The following THSD7B variants were observed in gnomAD, a reference collection of about 807,000 sequenced individuals.
THSD7B encodes thrombospondin type 1 domain containing 7B.
THSD7B carries 138 observed loss-of-function variants against 213.6 expected under a neutral mutation model. The ratio of observed to expected loss-of-function variants is 0.65; its 90% CI spans 0.56 to 0.74. THSD7B has a LOEUF of 0.74. Among genes scored for constraint, THSD7B ranks in the 30% least tolerant of loss-of-function variants. THSD7B has a pLI of 0.00. For missense variants in THSD7B, 1,931 were observed against 1,991.5 expected (o/e 0.97, Z 0.58); for synonymous variants, 742 against 687.0 (o/e 1.08, Z -1.25).
Position 137,180,920 on chromosome 2 carries a change from C to T in THSD7B, c.1723+9982C>T, listed in dbSNP as rs570007377. 4.6e-5 allele frequency among the ~76,000 whole-genome samples: 7 copies of T among 152,240 alleles called. No homozygotes were observed. In the South Asian group the frequency reaches 1.2e-3, roughly 27 times the overall value. On this transcript the variant is annotated intron_variant, in intron 7 of 27. Transcript: ENST00000409968. Reference sequence around the variant, plus strand: ...GAGGCAATTGTGCCAACTCAGTGGGCTAGACTCATGAAACCTATTCCTAAC... The same window carrying T: ...GAGGCAATTGTGCCAACTCAGTGGGTTAGACTCATGAAACCTATTCCTAAC...
At chr2:137,108,500 C>T (rs954373073) in intron 4 of THSD7B, among the ~76,000 whole-genome samples, 13 of 152,080 alleles carry the variant, frequency 8.5e-5, no homozygotes, top group South Asian at 2.1e-4. Context: ...GTGATTCCTT[C>T]GGTGGGACAG....
chr2:136,779,780 A>G (rs1222684843), intron 1 of THSD7B, among the ~76,000 whole-genome samples: 1 of 152,226 alleles, frequency 6.6e-6, no homozygotes, highest in Non-Finnish European at 1.5e-5. Flanking sequence ...ATAGATATGC[A>G]TGTGCACAGA....
chr2:137,550,370 G>C (rs1352629751), intron 15 of THSD7B, among the ~76,000 whole-genome samples: 2 of 152,094 alleles, frequency 1.3e-5, no homozygotes, highest in Admixed American at 6.6e-5. Context: ...CCCTTACTGT[G>C]TATTCAATTT....
chr2:137,421,438 T>C (rs1686924321), intron 14 of THSD7B, among the ~76,000 whole-genome samples: 1 of 152,196 alleles, frequency 6.6e-6, no homozygotes, highest in East Asian at 1.9e-4. Flanking sequence ...ATTAATTTGC[T>C]GGAGTAGTTC....
chr2:137,194,580 C>T (rs1680723035), intron 7 of THSD7B, among the ~76,000 whole-genome samples: 1 of 152,198 alleles, frequency 6.6e-6, no homozygotes. Context: ...TGTATCTTTA[C>T]ATATGCTAAC....
chr2:137,449,995 A>G (rs1687616197), intron 14 of THSD7B, among the ~76,000 whole-genome samples: 1 of 152,174 alleles, frequency 6.6e-6, no homozygotes, highest in South Asian at 2.1e-4. Context: ...ATGATGTTGC[A>G]GTTAATCGGG....
At chr2:136,950,220 C>G (rs764771446) in intron 2 of THSD7B, among the ~76,000 whole-genome samples, 6 of 151,856 alleles carry the variant, frequency 4.0e-5, no homozygotes, top group Non-Finnish European at 7.4e-5. Flanking sequence ...CCACTGCACT[C>G]TAGCCTGGGC....
intron 25 of THSD7B, among the ~76,000 whole-genome samples, chr2:137,660,532 A>C (rs1683322262): frequency 6.6e-6 from 1 of 152,214 alleles, no homozygotes; most frequent in African/African-American, 2.4e-5. Context: ...AGAGGGGAAT[A>C]GAAGGAAAAG....
At chr2:137,007,366 A>G (rs1026875489) in intron 2 of THSD7B, among the ~76,000 whole-genome samples, 32 of 152,198 alleles carry the variant, frequency 2.1e-4, no homozygotes, top group African/African-American at 7.2e-4. Context: ...TACACCATGA[A>G]GCATTTTAGC....
intron 15 of THSD7B, among the ~76,000 whole-genome samples, chr2:137,525,295 C>T (rs1234637554): frequency 6.6e-6 from 1 of 152,146 alleles, no homozygotes; most frequent in Non-Finnish European, 1.5e-5. Flanking sequence ...ACAGTTTATT[C>T]TAACTCTTAG....
chr2:137,384,526 A>G (rs1349345736), intron 12 of THSD7B, among the ~76,000 whole-genome samples: 1 of 152,006 alleles, frequency 6.6e-6, no homozygotes, highest in African/African-American at 2.4e-5. Context: ...AGGGAAAGGA[A>G]GTAGCACAGA....
At chr2:137,355,423 AAC>A (rs1455972799) in intron 12 of THSD7B, among the ~76,000 whole-genome samples, 1 of 152,218 alleles carries the variant, frequency 6.6e-6, no homozygotes, top group East Asian at 1.9e-4. Flanking sequence ...ATGTTTCATA[AAC>A]ACAAAGTTTT....
chr2:137,317,059 A>G (rs998125499), intron 12 of THSD7B, among the ~76,000 whole-genome samples: 3 of 152,252 alleles, frequency 2.0e-5, no homozygotes, highest in Non-Finnish European at 4.4e-5. Context: ...TCTTATTCAC[A>G]GCATTAAACT....
At chr2:137,166,052 T>C (rs1680122383) in intron 6 of THSD7B, among the ~76,000 whole-genome samples, 1 of 152,180 alleles carries the variant, frequency 6.6e-6, no homozygotes, top group South Asian at 2.1e-4. Flanking sequence ...ACTTTTATTC[T>C]TAATCAGAAA....
intron 26 of THSD7B, among the ~76,000 whole-genome samples, chr2:137,664,870 G>C (rs1683418180): frequency 6.6e-6 from 1 of 151,864 alleles, no homozygotes; most frequent in East Asian, 1.9e-4. Flanking sequence ...TAACTCCTAG[G>C]GCATGGGAAG....
intron 1 of THSD7B, among the ~76,000 whole-genome samples, chr2:136,780,321 G>A (rs920588396): frequency 2.6e-5 from 4 of 152,032 alleles, no homozygotes; most frequent in African/African-American, 9.7e-5. Flanking sequence ...TTTTACAGCA[G>A]CATCCATCCA....
intron 10 of THSD7B, among the ~76,000 whole-genome samples, chr2:137,264,086 A>G (rs1192661872): frequency 1.3e-5 from 2 of 152,208 alleles, no homozygotes; most frequent in Non-Finnish European, 2.9e-5. Context: ...AGTTGCCTAC[A>G]TGTAGCAGGT....
chr2:137,065,325 A>T (rs896744106), intron 3 of THSD7B, among the ~76,000 whole-genome samples: 1 of 152,048 alleles, frequency 6.6e-6, no homozygotes, highest in Non-Finnish European at 1.5e-5. Flanking sequence ...AGCTGTTGTC[A>T]TATAAAATGC....
chr2:137,588,480 TG>T (rs1350118034), intron 17 of THSD7B, among the ~76,000 whole-genome samples: 2 of 149,578 alleles, frequency 1.3e-5, no homozygotes, highest in African/African-American at 4.9e-5. Flanking sequence ...TATTTTTCAG[TG>T]TTTTTTTTTT....
Sources: gnomAD v4.1 joint callset for allele counts (sites outside exome capture counted in the v4.1 genomes callset) on GRCh38, gnomAD v4.1.1 for gene constraint, MANE v1.5 for transcripts, NCBI Gene and HGNC (gene_info 2026-07-23, HGNC 2026-07-21) for gene names.